Variants in MACROD2 observed in about 807,000 individuals in gnomAD.
The protein encoded by MACROD2 is ADP-ribose glycohydrolase MACROD2.
MACROD2 carries 36 observed loss-of-function variants against 70.4 expected under a neutral mutation model. The observed-to-expected ratio is 0.51, with a 90% CI of 0.39 to 0.68. The LOEUF is 0.68. MACROD2 is among the 30% of genes least tolerant of loss of function. MACROD2 has a pLI of 0.00. For missense variants in MACROD2, 496 were observed against 538.4 expected, an observed-to-expected ratio of 0.92 and a Z score of 0.78; for synonymous variants, 172 against 178.8, an observed-to-expected ratio of 0.96 and a Z score of 0.30.
Position 14,764,897 on chromosome 20 carries a change from A to C in MACROD2, c.418+79938A>C, listed in dbSNP as rs558609482. Among the ~76,000 whole-genome samples the C allele has an allele frequency of 2.0e-5, 3 of 152,114 alleles. No homozygotes were observed. In the South Asian group the frequency reaches 6.2e-4, roughly 32 times the overall value. On this transcript the variant is annotated intron_variant, in intron 5 of 17. Coordinates refer to ENST00000684519, the MANE Select transcript of MACROD2 (RefSeq NM_001351661.2). ...GGGATCAGGATGGATGGAATATTTG[A>C]TAGACAAGGAACCCAGGAATTTCTC...
At chr20:14,499,642 G>A (rs1240948855) in intron 4 of MACROD2, among the ~76,000 whole-genome samples, 1 of 152,102 alleles carries the variant, frequency 6.6e-6, no homozygotes, top group Admixed American at 6.5e-5. Context: ...AAGAGGGAAG[G>A]TGGTTAGGGA....
chr20:15,573,958 G>T (rs1441690066), intron 8 of MACROD2, among the ~76,000 whole-genome samples: 1 of 152,134 alleles, frequency 6.6e-6, no homozygotes, highest in East Asian at 1.9e-4. Flanking sequence ...CAATCCAAAA[G>T]GTTCAGCTCA....
At chr20:14,795,413 A>G (rs1285916473) in intron 5 of MACROD2, among the ~76,000 whole-genome samples, 4 of 152,062 alleles carry the variant, frequency 2.6e-5, no homozygotes, top group South Asian at 2.1e-4. Flanking sequence ...CTTGGACATG[A>G]GCATGGGTAG....
intron 8 of MACROD2, among the ~76,000 whole-genome samples, chr20:15,734,360 G>A (rs55812734): frequency 0.068 from 10,402 of 152,144 alleles, 566 homozygotes; most frequent in African/African-American, 0.15. Context: ...GTCAACAAAA[G>A]CCACCATAAC....
chr20:14,727,724 C>A (rs967384365), intron 5 of MACROD2, among the ~76,000 whole-genome samples: 2 of 152,026 alleles, frequency 1.3e-5, no homozygotes, highest in Admixed American at 1.3e-4. Flanking sequence ...TTTTTGATGC[C>A]AGGTAGATCT....
intron 8 of MACROD2, among the ~76,000 whole-genome samples, chr20:15,779,143 C>T (rs1600878993): frequency 1.3e-5 from 2 of 152,034 alleles, no homozygotes; most frequent in African/African-American, 2.4e-5. Context: ...CCTGGAGACT[C>T]GGCATTATTA....
intron 6 of MACROD2, among the ~76,000 whole-genome samples, chr20:15,343,586 G>A (rs1381267280): frequency 6.6e-6 from 1 of 152,128 alleles, no homozygotes; most frequent in Non-Finnish European, 1.5e-5. Flanking sequence ...GAGACCAATG[G>A]AAGTAAATAA....
At chr20:15,211,379 T>C (rs1416537535) in intron 5 of MACROD2, among the ~76,000 whole-genome samples, 1 of 152,216 alleles carries the variant, frequency 6.6e-6, no homozygotes, top group Non-Finnish European at 1.5e-5. Context: ...TGAGCTATTA[T>C]AAATAACGCA....
intron 12 of MACROD2, among the ~76,000 whole-genome samples, chr20:15,957,118 G>A (rs2065988095): frequency 6.6e-6 from 1 of 151,860 alleles, no homozygotes; most frequent in African/African-American, 2.4e-5. Flanking sequence ...GAGTTAGAGT[G>A]GTGATGATTA....
intron 6 of MACROD2, among the ~76,000 whole-genome samples, chr20:15,327,615 C>T (rs2146183687): frequency 6.6e-6 from 1 of 152,184 alleles, no homozygotes; most frequent in East Asian, 1.9e-4. Context: ...ATGGGGGTAA[C>T]TGCCCCCATG....
At chr20:14,624,734 C>T (rs1984034754) in intron 4 of MACROD2, among the ~76,000 whole-genome samples, 1 of 152,170 alleles carries the variant, frequency 6.6e-6, no homozygotes, top group Non-Finnish European at 1.5e-5. Context: ...TGCACTTCTT[C>T]CTCTGCTCAC....
intron 6 of MACROD2, among the ~76,000 whole-genome samples, chr20:15,277,089 C>G (rs1047246771): frequency 2.6e-5 from 4 of 152,182 alleles, no homozygotes; most frequent in Non-Finnish European, 4.4e-5. Flanking sequence ...GCTTTGACAA[C>G]TTCCGTATTT....
At chr20:14,357,469 T>C (rs1454369362) in intron 3 of MACROD2, among the ~76,000 whole-genome samples, 1 of 152,230 alleles carries the variant, frequency 6.6e-6, no homozygotes, top group Non-Finnish European at 1.5e-5. Context: ...GAATGTAAGA[T>C]TTCTATGTAG....
chr20:14,764,979 A>C (rs1270266435), intron 5 of MACROD2, among the ~76,000 whole-genome samples: 1 of 152,138 alleles, frequency 6.6e-6, no homozygotes, highest in Non-Finnish European at 1.5e-5. Flanking sequence ...GGCACTGTGC[A>C]AACAATGGCA....
intron 9 of MACROD2, among the ~76,000 whole-genome samples, chr20:15,874,119 T>C (rs1186188878): frequency 7.9e-6 from 1 of 126,084 alleles, no homozygotes. Flanking sequence ...CCTGTGTCCA[T>C]GTATTCTCAT....
At chr20:15,751,568 C>G (rs992236180) in intron 8 of MACROD2, among the ~76,000 whole-genome samples, 1 of 151,830 alleles carries the variant, frequency 6.6e-6, no homozygotes, top group Non-Finnish European at 1.5e-5. Context: ...AGAGATGCTT[C>G]CCTTTTATCC....
chr20:15,421,410 T>A (rs1261107274), intron 6 of MACROD2, among the ~76,000 whole-genome samples: 1 of 152,028 alleles, frequency 6.6e-6, no homozygotes, highest in Non-Finnish European at 1.5e-5. Flanking sequence ...GAATATGGGT[T>A]GCCAGGTTGC....
intron 8 of MACROD2, among the ~76,000 whole-genome samples, chr20:15,501,557 ACCCT>A (rs2047364915): frequency 6.6e-6 from 1 of 152,160 alleles, no homozygotes; most frequent in African/African-American, 2.4e-5. Flanking sequence ...TCACTTGCCT[ACCCT>A]ATCTTTGAGT....
intron 6 of MACROD2, among the ~76,000 whole-genome samples, chr20:15,425,807 C>A (rs2046289769): frequency 6.6e-6 from 1 of 152,082 alleles, no homozygotes; most frequent in East Asian, 1.9e-4. Flanking sequence ...GATGGATGAG[C>A]AAGAGAGAAA....
Sources: gnomAD v4.1 joint callset for allele counts (sites outside exome capture counted in the v4.1 genomes callset) on GRCh38, gnomAD v4.1.1 for gene constraint, MANE v1.5 for transcripts, NCBI Gene and HGNC (gene_info 2026-07-23, HGNC 2026-07-21) for gene names.